The following ACADM variants were observed in gnomAD, a reference collection of about 807,000 sequenced individuals.
ACADM encodes the protein acyl-CoA dehydrogenase medium chain.
In ACADM, 49 loss-of-function variants were observed where a neutral mutation model predicts 58.9. The ratio of observed to expected loss-of-function variants is 0.83; its 90% CI spans 0.66 to 1.06. ACADM has a LOEUF of 1.06. ACADM is among the 50% of genes least tolerant of loss of function. The probability of loss-of-function intolerance (pLI) is 0.00; values close to 1 mark genes in which losing one functional copy is unlikely to be tolerated. For synonymous variants in ACADM, 160 were observed against 157.7 expected, an observed-to-expected ratio of 1.01 and a Z score of -0.11; for missense variants, 496 against 507.0, an observed-to-expected ratio of 0.98 and a Z score of 0.21.
intron 2 of ACADM, among the ~76,000 whole-genome samples, chr1:75,729,007 T>A (rs1335343898): frequency 5.9e-5 from 9 of 152,124 alleles, no homozygotes; most frequent in Non-Finnish European, 1.2e-4. Flanking sequence ...AAATTTGAAA[T>A]AATATCTATC....
chr1:75,727,932 T>C (rs1647081506), intron 1 of ACADM, among the ~76,000 whole-genome samples: 1 of 152,160 alleles, frequency 6.6e-6, no homozygotes, highest in African/African-American at 2.4e-5. Flanking sequence ...TGAGATCCTC[T>C]GAGGGGAAGG....
At chr1:75,725,215 T>C (rs1398313320) in intron 1 of ACADM, among the ~76,000 whole-genome samples, 2 of 151,818 alleles carry the variant, frequency 1.3e-5, no homozygotes, top group Non-Finnish European at 1.5e-5. Flanking sequence ...AAGCTTTTCG[T>C]TGTAACGTTT....
chr1:75,759,271 G>C (rs1648688004), intron 10 of ACADM, among the ~76,000 whole-genome samples: 1 of 152,228 alleles, frequency 6.6e-6, no homozygotes, highest in Non-Finnish European at 1.5e-5. Flanking sequence ...ATTGGTCATT[G>C]ATGATTTAAC....
intron 10 of ACADM, 131 bp from the exon 11 acceptor site, chr1:75,760,991 G>C: frequency 1.2e-6 from 1 of 844,794 alleles, no homozygotes; most frequent in Non-Finnish European, 1.9e-6. Flanking sequence ...AGGATTGCTT[G>C]AGGCCAGGAG....
At chr1:75,757,612 T>C (rs1648583948) in intron 10 of ACADM, among the ~76,000 whole-genome samples, 1 of 152,246 alleles carries the variant, frequency 6.6e-6, no homozygotes, top group Non-Finnish European at 1.5e-5. Flanking sequence ...TTGGTGGGAC[T>C]GTAAACTAGT....
Position 75,749,344 on chromosome 1 carries a change from A to G in ACADM, c.709-75A>G, listed in dbSNP as rs1453317417. The G allele has an allele frequency of 3.1e-5, 47 of 1,504,754 alleles. 1 individual carries two copies. The highest frequency in any genetic ancestry group is 3.7e-6 in the Non-Finnish European group (4 of 1,088,694). The allele number at this position is 1,504,754 out of a possible 1,614,324, so 93.2% of individuals were successfully genotyped here. A position where few individuals can be genotyped will look rare whatever the true frequency, so the allele number is the denominator to read the frequency against. ...CTGTTTTAGGTAATTGCAGAAAGTC[A>G]TGAAACAGTGATTAAAGCAAAAATT... is the stretch of plus-strand genomic sequence containing the variant. On this transcript the variant is annotated intron_variant, in intron 8 of 11. Transcript: ENST00000370841.
rs1557440940 is a variant in ACADM at position 75,728,403 on chromosome 1, C to T, written c.33C>T (p.Val11=). The T allele has an allele frequency of 2.5e-6, 4 of 1,611,514 alleles. No homozygotes were observed. Among genetic ancestry groups the T allele is most frequent in the East Asian group, 4.5e-5 (2 of 44,764 alleles). The change falls in exon 2 of 12, where the codon GTC becomes GTT. Residue 11 remains valine, a splice_region_variant and synonymous_variant. Coordinates refer to ENST00000370841, the MANE Select transcript of ACADM (RefSeq NM_000016.6). ...TTTAATAAAAGTGTTCTTTACAGGT[C>T]CTGAGAAGTATTTCTCGTTTTCATT... MAAGFGRCCR[V]LRSISRFHWR...
intron 10 of ACADM, among the ~76,000 whole-genome samples, chr1:75,759,298 C>T (rs914618751): frequency 6.6e-6 from 1 of 152,192 alleles, no homozygotes; most frequent in African/African-American, 2.4e-5. Context: ...TGTAGCCCCT[C>T]TCCCCTCCCT....
chr1:75,741,812 G>A (rs554353338), intron 7 of ACADM, among the ~76,000 whole-genome samples: 15 of 152,204 alleles, frequency 9.9e-5, no homozygotes, highest in Admixed American at 6.6e-4. Context: ...AGAATTTTTC[G>A]TGTACCAGGA....
intron 7 of ACADM, among the ~76,000 whole-genome samples, chr1:75,742,200 ACT>A (rs1459857240): frequency 7.7e-6 from 1 of 129,532 alleles, no homozygotes; most frequent in Non-Finnish European, 1.6e-5. Context: ...ACAAAAAGGC[ACT>A]CTCTACTGGC....
At chr1:75,732,514 C>T (rs780255106) in intron 2 of ACADM, 130 bp from the exon 3 acceptor site, 1 of 772,960 alleles carries the variant, frequency 1.3e-6, no homozygotes, top group African/African-American at 1.7e-5. Context: ...TCAAAAAATG[C>T]ACTGTAGTCT....
At chr1:75,759,117 A>G (rs1035442900) in intron 10 of ACADM, among the ~76,000 whole-genome samples, 2 of 152,094 alleles carry the variant, frequency 1.3e-5, no homozygotes, top group African/African-American at 4.8e-5. Flanking sequence ...CAGACACACC[A>G]TCTTTAAGAG....
chr1:75,743,454 C>G, intron 7 of ACADM: 1 of 1,611,068 alleles, frequency 6.2e-7, no homozygotes, highest in African/African-American at 1.3e-5. Flanking sequence ...GATCCTCTAC[C>G]GCTGCCTTGA....
At position 75,732,928 on chromosome 1, in the gene ACADM, C is replaced by G. The variant is rs1158401241; in HGVS notation, c.286+6C>G. 6.2e-7 allele frequency: 1 copy of G among 1,613,658 alleles called. No individual in the cohort carries two copies. The highest frequency in any genetic ancestry group is 1.1e-5 in the South Asian group (1 of 91,030). On this transcript the variant is annotated splice_donor_region_variant and intron_variant, in intron 4 of 11. Transcript: ENST00000370841. ...ACACATTCCAGAGAACTGTGGTAAG[C>G]TTTCTTTATATTTTTAATACTGGAA... is the stretch of plus-strand genomic sequence containing the variant.
intron 7 of ACADM, chr1:75,744,895 G>A: frequency 2.7e-6 from 1 of 373,706 alleles, no homozygotes; most frequent in South Asian, 2.3e-5. Flanking sequence ...AAAAGTGCCA[G>A]TTTCAACAGG....
chr1:75,755,638 T>C (rs1385557867), intron 10 of ACADM, among the ~76,000 whole-genome samples: 1 of 152,178 alleles, frequency 6.6e-6, no homozygotes, highest in Non-Finnish European at 1.5e-5. Flanking sequence ...CAAAGGTAGA[T>C]AAACCCACAA....
In ACADM at chr1:75,751,404, CTT is replaced by C. The variant is rs535502034; in HGVS notation, c.945+861_945+862del. 4.0e-4 allele frequency among the ~76,000 whole-genome samples: 61 copies of C among 151,738 alleles called. No individual in the cohort carries two copies. The South Asian group carries it at 0.012, about 31-fold the overall frequency. Reference sequence around the variant, plus strand: ...AACCCTTTTTTGGGTGGTGTTATCTCTTTTAAGGATCAAGAAACTGAAGCTCA... The same window carrying C: ...AACCCTTTTTTGGGTGGTGTTATCTCTTAAGGATCAAGAAACTGAAGCTCA... On this transcript the variant is annotated intron_variant, in intron 10 of 11. Coordinates refer to ENST00000370841, the MANE Select transcript of ACADM (RefSeq NM_000016.6).
chr1:75,738,267 A>T (rs1311112945), intron 6 of ACADM, among the ~76,000 whole-genome samples: 1 of 151,488 alleles, frequency 6.6e-6, no homozygotes, highest in Non-Finnish European at 1.5e-5. Flanking sequence ...TCTGTTGCCT[A>T]GGCTGGAGTG....
intron 4 of ACADM, chr1:75,733,189 T>G: frequency 6.2e-7 from 1 of 1,609,934 alleles, no homozygotes; most frequent in Non-Finnish European, 8.5e-7. Context: ...TGTTGTGTTT[T>G]ATTCCTATCT....
Sources: gnomAD v4.1 joint callset for allele counts (sites outside exome capture counted in the v4.1 genomes callset) on GRCh38, gnomAD v4.1.1 for gene constraint, MANE v1.5 for transcripts, NCBI Gene and HGNC (gene_info 2026-07-23, HGNC 2026-07-21) for gene names.